The following SIRT3 variants were observed in gnomAD, a reference collection of about 807,000 sequenced individuals.
The protein encoded by SIRT3 is sirtuin 3, also known as NAD-dependent protein deacetylase sirtuin-3, mitochondrial.
Under a neutral mutation model 33.5 loss-of-function variants are expected in SIRT3, and 26 were observed. The ratio of observed to expected loss-of-function variants is 0.78; its 90% CI spans 0.57 to 1.08. SIRT3 has a LOEUF of 1.08. SIRT3 is among the 50% of genes least tolerant of loss of function. The pLI is 0.00. For synonymous variants in SIRT3, 237 were observed against 222.1 expected, an observed-to-expected ratio of 1.07 and a Z score of -0.60; for missense variants, 585 against 530.1, an observed-to-expected ratio of 1.10 and a Z score of -1.02.
At position 218,944 on chromosome 11, in the gene SIRT3, C is replaced by T. The variant is rs371704582; in HGVS notation, c.1067G>A (p.Arg356His). Residue 356 changes from arginine (R) to histidine (H), a missense_variant, in exon 6 of 7, where the codon CGC (arginine) becomes CAC (histidine). Transcript: ENST00000382743. ...CCCCAGCTGGGCCACGTCCCTGCTG[C>T]GAGGATGCCAAGCCAAGGGCCCCAC... Reference protein sequence around the residue: ...DLVGPLAWHPRSRDVAQLGDV... With the variant: ...DLVGPLAWHPHSRDVAQLGDV... 6.8e-6 allele frequency: 11 copies of T among 1,614,018 alleles called. No homozygotes were observed. The highest frequency in any genetic ancestry group is 4.0e-5 in the African/African-American group (3 of 74,888).
chr11:224,290 A>G (rs1286604403), intron 4 of SIRT3, 51 bp from the exon 5 acceptor site: 1 of 1,568,798 alleles, frequency 6.4e-7, no homozygotes, highest in South Asian at 1.2e-5. Flanking sequence ...ACACCCTGTA[A>G]AAGGAAAAGG....
intron 1 of SIRT3, among the ~76,000 whole-genome samples, chr11:235,491 T>TACCACTTCGAGACTC (rs1459647127): frequency 6.6e-6 from 1 of 152,258 alleles, no homozygotes; most frequent in Non-Finnish European, 1.5e-5. Flanking sequence ...AAGTGTGAGC[T>TACCACTTCGAGACTC]ACCACTTCGA....
chr11:233,289 G>C (rs1238639948), intron 2 of SIRT3, 54 bp downstream of exon 2: 2 of 1,600,776 alleles, frequency 1.2e-6, no homozygotes, highest in African/African-American at 1.3e-5. Context: ...GCAGTGGGGA[G>C]GGCAGGAGTC....
chr11:232,944 T>C lies in SIRT3; in HGVS notation c.706+39A>G, dbSNP rs762179114. ...GGAGAAACAGGCACCCGAGCCTCCG[T>C]GGGAGAAAAAGAATGTGTGCGACTC... On this transcript the variant is annotated intron_variant, in intron 3 of 6. Coordinates refer to ENST00000382743, the MANE Select transcript of SIRT3 (RefSeq NM_012239.6). 4.4e-6 allele frequency: 7 copies of C among 1,585,690 alleles called. No individual in the cohort carries two copies. The South Asian group carries it at 6.6e-5, about 15-fold the overall frequency.
intron 3 of SIRT3, among the ~76,000 whole-genome samples, chr11:232,199 C>T (rs1858137962): frequency 6.6e-6 from 1 of 152,060 alleles, no homozygotes; most frequent in African/African-American, 2.4e-5. Flanking sequence ...CTCACTGCAA[C>T]CTCCGCCTGC....
intron 1 of SIRT3, among the ~76,000 whole-genome samples, chr11:235,128 A>G (rs1249132936): frequency 6.7e-6 from 1 of 150,100 alleles, no homozygotes; most frequent in African/African-American, 2.5e-5. Context: ...CACCCGTCTC[A>G]TCCTCCCAAA....
intron 5 of SIRT3, among the ~76,000 whole-genome samples, chr11:220,778 A>G (rs1298067102): frequency 1.3e-5 from 2 of 152,054 alleles, no homozygotes; most frequent in Non-Finnish European, 1.5e-5. Flanking sequence ...CACAGCATTT[A>G]CCCTTCAGGA....
rs779338242 is a variant in SIRT3, at chr11:230,446, ACT to A, written c.807+4_807+5del. 7 of 1,435,130 alleles carry A rather than the reference ACT, an allele frequency of 4.9e-6. No homozygotes were observed. Among genetic ancestry groups the A allele is most frequent in the African/African-American group, 1.5e-5 (1 of 68,126 alleles). The allele number at this position is 1,435,130 out of a possible 1,614,324, so 88.9% of individuals were successfully genotyped here. A position where few individuals can be genotyped will look rare whatever the true frequency, so the allele number is the denominator to read the frequency against. Reference sequence around the variant, plus strand: ...CAGAAGGACAACCAACAGCAGGATAACTCACCCGAATGTCCTCCCCTGGGAAG... The same window carrying A: ...CAGAAGGACAACCAACAGCAGGATAACACCCGAATGTCCTCCCCTGGGAAG... On this transcript the variant is annotated splice_donor_5th_base_variant and intron_variant, in intron 4 of 6. Transcript: ENST00000382743.
At chr11:224,371 G>C in intron 4 of SIRT3, 132 bp from the exon 5 acceptor site, 1 of 931,934 alleles carries the variant, frequency 1.1e-6, no homozygotes, top group South Asian at 1.8e-5. Flanking sequence ...GAACCCCCAT[G>C]TACCCAGCTT....
upstream of SIRT3, chr11:236,916 G>A: frequency 1.4e-6 from 1 of 737,374 alleles, no homozygotes; most frequent in Non-Finnish European, 2.3e-6. Context: ...AGCGGGGCCC[G>A]CCCCCGGCCT....
intron 3 of SIRT3, 61 bp downstream of exon 3, chr11:232,922 G>A: frequency 6.5e-7 from 1 of 1,536,720 alleles, no homozygotes; most frequent in Non-Finnish European, 9.0e-7. Context: ...CTCCCTGGGA[G>A]AAACAGGCAC....
chr11:216,536 C>T lies in SIRT3; in HGVS notation c.*162G>A. 5 of 754,264 alleles carry T rather than the reference C, an allele frequency of 6.6e-6. No homozygotes were observed. The highest frequency in any genetic ancestry group is 1.2e-5 in the Non-Finnish European group (5 of 432,536). 46.7% of individuals were successfully genotyped at this position (754,264 alleles called of 1,614,324 possible). ...AACACAGCCCTACCAGTCACTGCAG[C>T]TCATGGCCTGAGAAGACATTCCAGT... On this transcript the variant is annotated 3_prime_UTR_variant, in exon 7 of 7. Coordinates refer to ENST00000382743, the MANE Select transcript of SIRT3 (RefSeq NM_012239.6).
At chr11:234,243 C>A (rs986672299) in intron 1 of SIRT3, among the ~76,000 whole-genome samples, 1 of 152,190 alleles carries the variant, frequency 6.6e-6, no homozygotes, top group African/African-American at 2.4e-5. Context: ...CCCTGAGGGG[C>A]AGGCATGGGT....
At chr11:227,536 G>C (rs918336252) in intron 4 of SIRT3, among the ~76,000 whole-genome samples, 8 of 152,132 alleles carry the variant, frequency 5.3e-5, no homozygotes, top group African/African-American at 1.9e-4. Context: ...AAAAGATTCA[G>C]ACCAGCCAAC....
At chr11:234,534 C>A (rs1395398945) in intron 1 of SIRT3, among the ~76,000 whole-genome samples, 1 of 152,140 alleles carries the variant, frequency 6.6e-6, no homozygotes, top group Admixed American at 6.5e-5. Context: ...CCTGCCTCAG[C>A]CTCCCGAGTA....
chr11:234,402 A>AG (rs1858589662), intron 1 of SIRT3, among the ~76,000 whole-genome samples: 7 of 45,708 alleles, frequency 1.5e-4, no homozygotes, highest in Middle Eastern at 0.01. Context: ...GGTAGCAAGG[A>AG]TTTTTGTTTT....
Position 236,303 on chromosome 11 carries a change from G to A in SIRT3, c.26C>T (p.Ala9Val), listed in dbSNP as rs1349465628. Residue 9 changes from alanine to valine, a missense_variant, in exon 1 of 7, where the codon GCG (alanine) becomes GTG (valine). Ala to Val is a moderately conservative substitution (Grantham distance 64). Transcript: ENST00000382743. ...CCGGCCCCACAGCCGGAGGGCTGCCGCGGCGCGCCAACCCCAGAACGCCAT... is the reference window on the plus strand; with the variant it reads ...CCGGCCCCACAGCCGGAGGGCTGCCACGGCGCGCCAACCCCAGAACGCCAT... MAFWGWRAAAALRLWGRVV... is the reference protein window; with the variant it reads MAFWGWRAVAALRLWGRVV... 10 of 1,522,486 alleles carry A rather than the reference G, an allele frequency of 6.6e-6. No individual in the cohort carries two copies. The highest frequency in any genetic ancestry group is 8.8e-6 in the Non-Finnish European group (10 of 1,142,396). 94.3% of individuals were successfully genotyped at this position (1,522,486 alleles called of 1,614,324 possible).
chr11:230,633 G>T, intron 3 of SIRT3, 81 bp from the exon 4 acceptor site: 1 of 982,246 alleles, frequency 1.0e-6, no homozygotes, highest in Non-Finnish European at 1.4e-6. Flanking sequence ...TCTGGGCTTG[G>T]CAGGACTCCT....
chr11:230,193 CAG>C (rs1453308531), intron 4 of SIRT3, among the ~76,000 whole-genome samples: 3 of 128,402 alleles, frequency 2.3e-5, no homozygotes, highest in Admixed American at 9.3e-5. Flanking sequence ...GCCTGGGCGA[CAG>C]AGTGAGACTC....
Sources: allele counts gnomAD v4.1 joint callset (sites outside exome capture counted in the v4.1 genomes callset), GRCh38; gene constraint gnomAD v4.1.1; transcripts MANE v1.5; gene names NCBI Gene and HGNC (gene_info 2026-07-23, HGNC 2026-07-21).